LARP1B: variants seen among roughly 807,000 people sequenced by gnomAD.
LARP1B encodes the protein la-related protein 1B.
In LARP1B, 76 loss-of-function variants were observed where a neutral mutation model predicts 114.2. That is an observed-to-expected ratio of 0.67 (90% CI 0.55 to 0.81). The LOEUF (loss-of-function observed/expected upper bound fraction) is 0.81, where lower values mean the gene tolerates loss of function less well. Ranked by LOEUF, LARP1B falls within the 30% of genes least tolerant of loss-of-function variation. The pLI, the probability that LARP1B is intolerant of heterozygous loss-of-function variation, is 0.00. For synonymous variants in LARP1B, 345 were observed against 348.0 expected (o/e 0.99, Z 0.10); for missense variants, 1,014 against 1,075.8 (o/e 0.94, Z 0.80).
chr4:128,210,452 T>A lies in LARP1B; in HGVS notation c.*399T>A. The A allele has an allele frequency of 9.9e-7, 1 of 1,006,130 alleles. No individual in the cohort carries two copies. Among genetic ancestry groups the A allele is most frequent in the Non-Finnish European group, 1.2e-6 (1 of 840,744 alleles). The allele number at this position is 1,006,130 out of a possible 1,614,324, so 62.3% of individuals were successfully genotyped here. A position where few individuals can be genotyped will look rare whatever the true frequency, so the allele number is the denominator to read the frequency against. ...ACTTCTTAAAGAAGATATAGTATGT[T>A]GTATTCTCTTCTTAGAGCTTTCTTA... On this transcript the variant is annotated 3_prime_UTR_variant, in exon 20 of 20. Transcript: ENST00000326639.
chr4:128,061,231 T>C (rs1382182121), upstream of LARP1B: 1 of 151,692 alleles, frequency 6.6e-6, no homozygotes, highest in Non-Finnish European at 1.5e-5. Context: ...ACCCGGTGAG[T>C]AGCCACGTCA....
intron 11 of LARP1B, chr4:128,123,220 C>G: frequency 6.1e-6 from 6 of 985,386 alleles, no homozygotes; most frequent in Non-Finnish European, 7.2e-6. Flanking sequence ...TCTTGGAGGA[C>G]CTGCCTCAGG....
At chr4:128,112,184 A>G (rs904826830) in intron 9 of LARP1B, among the ~76,000 whole-genome samples, 1 of 152,138 alleles carries the variant, frequency 6.6e-6, no homozygotes, top group African/African-American at 2.4e-5. Context: ...ACCACTGTCC[A>G]ATAAAAATGT....
intron 15 of LARP1B, among the ~76,000 whole-genome samples, chr4:128,194,925 A>G (rs553133388): frequency 7.2e-4 from 109 of 151,890 alleles, no homozygotes; most frequent in African/African-American, 2.4e-3. Flanking sequence ...ATGAATGTTC[A>G]TCTTTTACAT....
chr4:128,210,376 C>T lies in LARP1B; in HGVS notation c.*323C>T. On this transcript the variant is annotated 3_prime_UTR_variant, in exon 20 of 20. Coordinates refer to ENST00000326639, the MANE Select transcript of LARP1B (RefSeq NM_018078.4). ...CCATGGTTTTACAAAAACAGCATTC[C>T]TTAAATATATTTAAAAAACAATACA... 9.2e-7 allele frequency: 1 copy of T among 1,086,286 alleles called. No homozygotes were observed. Among genetic ancestry groups the T allele is most frequent in the South Asian group, 3.2e-5 (1 of 31,662 alleles). The allele number at this position is 1,086,286 out of a possible 1,614,324, so 67.3% of individuals were successfully genotyped here. A position where few individuals can be genotyped will look rare whatever the true frequency, so the allele number is the denominator to read the frequency against.
chr4:128,205,834 A>G (rs1757423772), intron 17 of LARP1B, among the ~76,000 whole-genome samples: 1 of 152,216 alleles, frequency 6.6e-6, no homozygotes, highest in Non-Finnish European at 1.5e-5. Flanking sequence ...TTCTTCAGAA[A>G]TACCAGGGAG....
At chr4:128,082,804 CT>C (rs33973592) in intron 5 of LARP1B, among the ~76,000 whole-genome samples, 11,098 of 141,284 alleles carry the variant, frequency 0.079, 880 homozygotes, top group African/African-American at 0.21. Context: ...TCATTTTCTT[CT>C]TTTTTTTTTT....
At chr4:128,070,042 A>T (rs770827560) in intron 1 of LARP1B, among the ~76,000 whole-genome samples, 7 of 152,166 alleles carry the variant, frequency 4.6e-5, no homozygotes, top group African/African-American at 1.7e-4. Flanking sequence ...ACTGAGGCCG[A>T]GCGCAGTGGC....
intron 1 of LARP1B, among the ~76,000 whole-genome samples, chr4:128,072,128 T>G (rs1579798738): frequency 6.6e-6 from 1 of 151,740 alleles, no homozygotes; most frequent in African/African-American, 2.4e-5. Flanking sequence ...GCCTCCAGAG[T>G]AGCTAGGATA....
intron 18 of LARP1B, 115 bp from the exon 19 acceptor site, chr4:128,207,141 C>G (rs1395069569): frequency 4.2e-6 from 2 of 472,876 alleles, no homozygotes; most frequent in Non-Finnish European, 7.1e-6. Flanking sequence ...TTCTCAAGAT[C>G]TAGAGTAAGC....
At chr4:128,198,031 C>G (rs947636660) in intron 15 of LARP1B, among the ~76,000 whole-genome samples, 1 of 151,760 alleles carries the variant, frequency 6.6e-6, no homozygotes, top group Non-Finnish European at 1.5e-5. Context: ...ATTACAGGTA[C>G]ATGCCACCAC....
intron 9 of LARP1B, among the ~76,000 whole-genome samples, chr4:128,110,179 G>A (rs181533719): frequency 1.3e-5 from 2 of 152,102 alleles, no homozygotes; most frequent in Non-Finnish European, 2.9e-5. Context: ...GATTACAGGC[G>A]TGAGCCACTG....
In LARP1B at chr4:128,175,323, A is replaced by C. The variant is rs539402613; in HGVS notation, c.1649-1549A>C. On this transcript the variant is annotated intron_variant, in intron 12 of 19. Coordinates refer to ENST00000326639, the MANE Select transcript of LARP1B (RefSeq NM_018078.4). ...TAGCATATCTGTCACTCCCACTTTTACTGATGCTGTGATTCATGATTTGAT... is the reference window on the plus strand; with the variant it reads ...TAGCATATCTGTCACTCCCACTTTTCCTGATGCTGTGATTCATGATTTGAT... Among the ~76,000 whole-genome samples the C allele has an allele frequency of 2.6e-5, 4 of 152,132 alleles. No homozygotes were observed. The East Asian group carries it at 5.8e-4, about 22-fold the overall frequency.
chr4:128,117,720 A>G (rs1375172123), intron 10 of LARP1B, among the ~76,000 whole-genome samples: 2 of 151,560 alleles, frequency 1.3e-5, no homozygotes, highest in African/African-American at 2.4e-5. Flanking sequence ...TGGTTTCACT[A>G]TGTTGGCCAG....
chr4:128,146,114 C>T (rs1730231481), intron 11 of LARP1B, among the ~76,000 whole-genome samples: 1 of 152,166 alleles, frequency 6.6e-6, no homozygotes, highest in African/African-American at 2.4e-5. Flanking sequence ...TTCTAATACA[C>T]ATCAGTTCCA....
At chr4:128,120,595 G>A (rs1580677373) in intron 10 of LARP1B, among the ~76,000 whole-genome samples, 2 of 151,386 alleles carry the variant, frequency 1.3e-5, no homozygotes, top group Non-Finnish European at 2.9e-5. Context: ...TCAGCCTCCC[G>A]AGTAGCTAGG....
At chr4:128,116,749 A>G (rs768357053) in intron 10 of LARP1B, among the ~76,000 whole-genome samples, 1 of 152,192 alleles carries the variant, frequency 6.6e-6, no homozygotes, top group Non-Finnish European at 1.5e-5. Context: ...ATACTTTTAA[A>G]AAAGTGATCT....
At chr4:128,213,110 G>T (rs1759216534), downstream of LARP1B, among the ~76,000 whole-genome samples, 1 of 151,868 alleles carries the variant, frequency 6.6e-6, no homozygotes, top group Non-Finnish European at 1.5e-5. Context: ...TTGAGATGGG[G>T]TTTCACCATG....
chr4:128,103,640 A>G (rs182426309), intron 8 of LARP1B, among the ~76,000 whole-genome samples: 253 of 145,172 alleles, frequency 1.7e-3, no homozygotes, highest in Non-Finnish European at 1.4e-3. Context: ...TTGGCTCACT[A>G]CAACCTCTGC....
Sources: allele counts gnomAD v4.1 joint callset (sites outside exome capture counted in the v4.1 genomes callset), GRCh38; gene constraint gnomAD v4.1.1; transcripts MANE v1.5; gene names NCBI Gene and HGNC (gene_info 2026-07-23, HGNC 2026-07-21).